The following EPB41L4A variants were observed in gnomAD, a reference collection of about 807,000 sequenced individuals.
EPB41L4A encodes erythrocyte membrane protein band 4.1 like 4A.
EPB41L4A carries 100 observed loss-of-function variants against 108.6 expected under a neutral mutation model. The observed-to-expected ratio is 0.92, with a 90% CI of 0.78 to 1.09. The LOEUF is 1.09. Among genes scored for constraint, EPB41L4A ranks in the 50% least tolerant of loss-of-function variants. EPB41L4A has a pLI of 0.00. For synonymous variants in EPB41L4A, 319 were observed against 289.0 expected, an observed-to-expected ratio of 1.10 and a Z score of -1.05; for missense variants, 1,030 against 842.7, an observed-to-expected ratio of 1.22 and a Z score of -2.75.
chr5:112,252,292 C>A (rs1750735275), intron 9 of EPB41L4A, among the ~76,000 whole-genome samples: 1 of 151,832 alleles, frequency 6.6e-6, no homozygotes, highest in Non-Finnish European at 1.5e-5. Flanking sequence ...AGCATTATTC[C>A]CTAGCTCTGT....
chr5:112,383,853 CAATA>C (rs990437600), intron 1 of EPB41L4A, among the ~76,000 whole-genome samples: 1 of 151,892 alleles, frequency 6.6e-6, no homozygotes, highest in Non-Finnish European at 1.5e-5. Context: ...AGTTATCTGT[CAATA>C]AATAAACAAT....
At chr5:112,246,108 G>A (rs184953316) in intron 9 of EPB41L4A, among the ~76,000 whole-genome samples, 8 of 152,316 alleles carry the variant, frequency 5.3e-5, no homozygotes, top group Admixed American at 4.6e-4. Context: ...GAAAATCACA[G>A]AAGCTCCTCC....
intron 11 of EPB41L4A, among the ~76,000 whole-genome samples, chr5:112,235,226 C>A (rs900700446): frequency 6.6e-6 from 1 of 152,152 alleles, no homozygotes; most frequent in East Asian, 1.9e-4. Flanking sequence ...ATTTACTATG[C>A]CCACCCTGCC....
At chr5:112,395,103 G>A (rs1185511161) in intron 1 of EPB41L4A, among the ~76,000 whole-genome samples, 6 of 152,062 alleles carry the variant, frequency 3.9e-5, no homozygotes, top group African/African-American at 9.7e-5. Context: ...TTCAAGATGG[G>A]TTAAAGACTT....
At chr5:112,283,753 C>T (rs1753106422) in intron 2 of EPB41L4A, among the ~76,000 whole-genome samples, 1 of 152,152 alleles carries the variant, frequency 6.6e-6, no homozygotes. Flanking sequence ...AGACCCGTGA[C>T]TAACCTCGCA....
chr5:112,202,679 C>T (rs1439492893), intron 15 of EPB41L4A, among the ~76,000 whole-genome samples: 3 of 152,152 alleles, frequency 2.0e-5, no homozygotes, highest in African/African-American at 7.2e-5. Context: ...ATAGACCCTT[C>T]TCTTCTTAAC....
intron 1 of EPB41L4A, among the ~76,000 whole-genome samples, chr5:112,317,617 T>TA (rs1432105521): frequency 6.6e-6 from 1 of 152,156 alleles, no homozygotes; most frequent in Admixed American, 6.5e-5. Flanking sequence ...CTCACAATCA[T>TA]AGAGTTTTCT....
At chr5:112,161,746 A>G, downstream of EPB41L4A, 2 of 426,898 alleles carry the variant, frequency 4.7e-6, no homozygotes. Context: ...CTAGCTGAAT[A>G]CCATCTGGGA....
At chr5:112,295,914 GA>G (rs1753957390) in intron 2 of EPB41L4A, among the ~76,000 whole-genome samples, 1 of 152,176 alleles carries the variant, frequency 6.6e-6, no homozygotes, top group Non-Finnish European at 1.5e-5. Context: ...AGTGAAAGCA[GA>G]CCTATCTTAT....
chr5:112,415,305 C>T (rs1416534340), intron 1 of EPB41L4A, among the ~76,000 whole-genome samples: 5 of 151,790 alleles, frequency 3.3e-5, no homozygotes, highest in Non-Finnish European at 7.4e-5. Flanking sequence ...TTTAACTGGG[C>T]GAAATGTATG....
chr5:112,156,887 A>G (rs898173026), intron 12 of EPB41L4A, among the ~76,000 whole-genome samples: 1 of 152,178 alleles, frequency 6.6e-6, no homozygotes, highest in African/African-American at 2.4e-5. Flanking sequence ...AGTCCAAGTG[A>G]ACCAGTTCAA....
chr5:112,348,104 G>T (rs543767068), intron 1 of EPB41L4A, among the ~76,000 whole-genome samples: 1 of 152,106 alleles, frequency 6.6e-6, no homozygotes, highest in Non-Finnish European at 1.5e-5. Flanking sequence ...AAGCCAACAT[G>T]TGCCCTACCT....
At position 112,185,597 on chromosome 5, in the gene EPB41L4A, T is replaced by C. The variant is rs1302544264; in HGVS notation, c.1503-1462A>G. ...ATGTATTTCCTCACTAAAGTTTTCATTTTTAATAGGCTATTATTTGAAGAT... is the reference window on the plus strand; with the variant it reads ...ATGTATTTCCTCACTAAAGTTTTCACTTTTAATAGGCTATTATTTGAAGAT... On this transcript the variant is annotated intron_variant, in intron 17 of 22. Coordinates refer to ENST00000261486, the MANE Select transcript of EPB41L4A (RefSeq NM_022140.5). Among the ~76,000 whole-genome samples the C allele has an allele frequency of 2.6e-5, 4 of 152,350 alleles. No homozygotes were observed. In the East Asian group the frequency reaches 7.7e-4, roughly 29 times the overall value.
rs140615368 is a variant in EPB41L4A, at chr5:112,293,477, C to T, written c.205-13154G>A. 4.9e-3 allele frequency among the ~76,000 whole-genome samples: 752 copies of T among 152,192 alleles called. 1 individual carries two copies. Among genetic ancestry groups the T allele is most frequent in the Non-Finnish European group, 7.7e-3 (525 of 68,018 alleles). On this transcript the variant is annotated intron_variant, in intron 2 of 22. Coordinates refer to ENST00000261486, the MANE Select transcript of EPB41L4A (RefSeq NM_022140.5). ...CCTTCACCTCCCTAAACCTAGAAAC[C>T]GCAGGATAAAATATTATACATGACC... is the stretch of plus-strand genomic sequence containing the variant.
chr5:112,351,323 G>A (rs1028260864), intron 1 of EPB41L4A, among the ~76,000 whole-genome samples: 1 of 152,112 alleles, frequency 6.6e-6, no homozygotes, highest in African/African-American at 2.4e-5. Flanking sequence ...AAGATCATCA[G>A]AGACTATTAT....
intron 18 of EPB41L4A, among the ~76,000 whole-genome samples, chr5:112,176,795 C>A (rs780407980): frequency 7.9e-5 from 11 of 139,168 alleles, no homozygotes; most frequent in Admixed American, 1.5e-4. Flanking sequence ...ACTCCTGTTG[C>A]CCAGGCTGAA....
At chr5:112,367,807 A>G (rs1759228875) in intron 1 of EPB41L4A, among the ~76,000 whole-genome samples, 1 of 152,254 alleles carries the variant, frequency 6.6e-6, no homozygotes, top group African/African-American at 2.4e-5. Context: ...TGTGCTGTCA[A>G]TAAAGTCCTC....
intron 1 of EPB41L4A, among the ~76,000 whole-genome samples, chr5:112,416,983 G>T (rs1175959369): frequency 6.6e-6 from 1 of 152,174 alleles, no homozygotes; most frequent in Non-Finnish European, 1.5e-5. Context: ...TACACACATG[G>T]CCATCAAAAT....
At chr5:112,161,254 T>C, downstream of EPB41L4A, 1 of 311,212 alleles carries the variant, frequency 3.2e-6, no homozygotes. Flanking sequence ...TACAGCTGTT[T>C]CCACGTGCGG....
Sources: allele counts gnomAD v4.1 joint callset (sites outside exome capture counted in the v4.1 genomes callset), GRCh38; gene constraint gnomAD v4.1.1; transcripts MANE v1.5; gene names NCBI Gene and HGNC (gene_info 2026-07-23, HGNC 2026-07-21).